The following SLC14A2 variants were observed in gnomAD, a reference collection of about 807,000 sequenced individuals.
SLC14A2 encodes the protein urea transporter 2.
In SLC14A2, 91 loss-of-function variants were observed where a neutral mutation model predicts 104.6. The observed-to-expected ratio is 0.87, with a 90% CI of 0.73 to 1.04. SLC14A2 has a LOEUF of 1.04. SLC14A2 is among the 50% of genes least tolerant of loss of function. The pLI is 0.00. For missense variants in SLC14A2, 1,189 were observed against 1,156.0 expected (o/e 1.03, Z -0.41); for synonymous variants, 476 against 466.4 (o/e 1.02, Z -0.27).
the SLC14A2 span, among the ~76,000 whole-genome samples, chr18:45,192,569 G>C: frequency 6.6e-6 from 1 of 151,742 alleles, no homozygotes; most frequent in Admixed American, 6.6e-5. Context: ...GCCAATACTT[G>C]GTATGGTAAG....
At chr18:45,559,320 T>C (rs1373436164) in intron 2 of SLC14A2, among the ~76,000 whole-genome samples, 2 of 152,144 alleles carry the variant, frequency 1.3e-5, no homozygotes, top group African/African-American at 4.8e-5. Flanking sequence ...GTCATTGAAG[T>C]TGAACCCCTT....
At chr18:45,322,929 A>G (rs1472164078) in intron 1 of SLC14A2, among the ~76,000 whole-genome samples, 2 of 152,186 alleles carry the variant, frequency 1.3e-5, no homozygotes, top group Non-Finnish European at 2.9e-5. Context: ...GATCACACAA[A>G]CTTTTTCTAA....
chr18:45,372,500 A>T (rs1384036510), intron 1 of SLC14A2, among the ~76,000 whole-genome samples: 1 of 152,178 alleles, frequency 6.6e-6, no homozygotes, highest in Non-Finnish European at 1.5e-5. Context: ...TTACTGCCAG[A>T]GCTGGCATTG....
chr18:45,344,471 G>A (rs146263729), intron 1 of SLC14A2, among the ~76,000 whole-genome samples: 22 of 152,142 alleles, frequency 1.4e-4, no homozygotes, highest in African/African-American at 3.4e-4. Context: ...CACAGAACTC[G>A]GAAAACTTCT....
At chr18:45,426,999 A>C (rs1458473663) in intron 1 of SLC14A2, among the ~76,000 whole-genome samples, 1 of 151,936 alleles carries the variant, frequency 6.6e-6, no homozygotes, top group Admixed American at 6.6e-5. Context: ...ATCTTTTCTC[A>C]ACATAGAGTT....
intron 1 of SLC14A2, among the ~76,000 whole-genome samples, chr18:45,406,675 A>G (rs66503243): frequency 0.17 from 25,647 of 152,160 alleles, 2,709 homozygotes; most frequent in African/African-American, 0.28. Flanking sequence ...TCCTTGATCC[A>G]TAACTCCTTG....
At chr18:45,344,021 A>G (rs995013940) in intron 1 of SLC14A2, among the ~76,000 whole-genome samples, 7 of 152,236 alleles carry the variant, frequency 4.6e-5, no homozygotes, top group Middle Eastern at 3.2e-3. Flanking sequence ...TTTGTGCATA[A>G]AAGCAGCTAC....
intron 1 of SLC14A2, among the ~76,000 whole-genome samples, chr18:45,346,404 G>A (rs1046451966): frequency 6.6e-5 from 10 of 152,090 alleles, no homozygotes; most frequent in South Asian, 2.1e-4. Flanking sequence ...GGACCTACCC[G>A]CCTCGGCCTC....
intron 2 of SLC14A2, among the ~76,000 whole-genome samples, chr18:45,494,974 T>C (rs972097166): frequency 1.3e-5 from 2 of 151,352 alleles, no homozygotes; most frequent in Admixed American, 6.6e-5. Flanking sequence ...ATATAAGCTT[T>C]GGGATAGAGT....
chr18:45,282,595 A>T (rs1003877542), intron 1 of SLC14A2, among the ~76,000 whole-genome samples: 1 of 152,148 alleles, frequency 6.6e-6, no homozygotes, highest in African/African-American at 2.4e-5. Context: ...GTAGAGGGCA[A>T]TGCTGGGGCC....
intron 1 of SLC14A2, among the ~76,000 whole-genome samples, chr18:45,320,221 G>A (rs1445591642): frequency 6.6e-6 from 1 of 152,146 alleles, no homozygotes; most frequent in Non-Finnish European, 1.5e-5. Context: ...CTAGGATAGT[G>A]GAATTATTAT....
the SLC14A2 span, chr18:45,181,065 C>T: frequency 6.6e-6 from 1 of 152,406 alleles, no homozygotes; most frequent in Non-Finnish European, 1.5e-5. Context: ...AGCTCCCCAA[C>T]CATAGGACTT....
chr18:45,587,000 T>C (rs1455591536), intron 2 of SLC14A2, among the ~76,000 whole-genome samples: 3 of 152,224 alleles, frequency 2.0e-5, no homozygotes, highest in Non-Finnish European at 4.4e-5. Flanking sequence ...TTAAATTATT[T>C]TTTTTGAGAC....
At chr18:45,520,061 T>C (rs1043645486) in intron 2 of SLC14A2, among the ~76,000 whole-genome samples, 6 of 152,240 alleles carry the variant, frequency 3.9e-5, no homozygotes, top group African/African-American at 1.4e-4. Flanking sequence ...GGGCATGTCT[T>C]GTACGTACCA....
At chr18:45,570,192 T>G (rs1231788869) in intron 2 of SLC14A2, among the ~76,000 whole-genome samples, 3 of 152,186 alleles carry the variant, frequency 2.0e-5, no homozygotes, top group African/African-American at 4.8e-5. Flanking sequence ...TATCCTCATT[T>G]TAGCTCCATC....
chr18:45,613,240 TC>T (rs1402340538), upstream of SLC14A2, among the ~76,000 whole-genome samples: 1 of 152,118 alleles, frequency 6.6e-6, no homozygotes, highest in Non-Finnish European at 1.5e-5. Flanking sequence ...TTCACCGTGG[TC>T]TTGATCTCCT....
intron 2 of SLC14A2, among the ~76,000 whole-genome samples, chr18:45,526,672 G>A (rs186205773): frequency 5.1e-4 from 78 of 152,184 alleles, no homozygotes; most frequent in African/African-American, 1.7e-3. Flanking sequence ...TCATATAGAG[G>A]GGGAAGATGG....
chr18:45,279,193 C>T (rs1388851734), intron 1 of SLC14A2, among the ~76,000 whole-genome samples: 2 of 152,174 alleles, frequency 1.3e-5, no homozygotes, highest in Non-Finnish European at 2.9e-5. Context: ...TTAAAGGGAA[C>T]ATGCCGACAG....
chr18:45,409,120 G>A (rs950755622), intron 1 of SLC14A2, among the ~76,000 whole-genome samples: 2 of 152,174 alleles, frequency 1.3e-5, no homozygotes, highest in Non-Finnish European at 2.9e-5. Flanking sequence ...CCTGGACTTG[G>A]ACTGACAAGT....
Sources: allele counts gnomAD v4.1 joint callset (sites outside exome capture counted in the v4.1 genomes callset), GRCh38; gene constraint gnomAD v4.1.1; transcripts MANE v1.5; gene names NCBI Gene and HGNC (gene_info 2026-07-23, HGNC 2026-07-21).